Variants in COP1 observed in about 807,000 individuals in gnomAD.
COP1 encodes the protein E3 ubiquitin-protein ligase COP1.
Under a neutral mutation model 101.3 loss-of-function variants are expected in COP1, and 24 were observed. The observed-to-expected ratio is 0.24, with a 90% confidence interval of 0.17 to 0.33. COP1 has a LOEUF of 0.33. COP1 is among the 10% of genes least tolerant of loss of function. The pLI is 1.00. For synonymous variants in COP1, 347 were observed against 341.9 expected (o/e 1.01, Z -0.17); for missense variants, 663 against 906.2 (o/e 0.73, Z 3.45).
intron 14 of COP1, among the ~76,000 whole-genome samples, chr1:176,033,911 G>A (rs1557967199): frequency 6.6e-6 from 1 of 152,012 alleles, no homozygotes; most frequent in African/African-American, 2.4e-5. Context: ...TAACTATAAA[G>A]TTATCACAAA....
intron 11 of COP1, among the ~76,000 whole-genome samples, chr1:176,049,896 T>C (rs1051440639): frequency 6.6e-6 from 1 of 152,180 alleles, no homozygotes; most frequent in Non-Finnish European, 1.5e-5. Context: ...CAGTGACTAG[T>C]TAGGCTGAGA....
chr1:176,123,709 G>C (rs1370407061), intron 8 of COP1, among the ~76,000 whole-genome samples: 1 of 152,022 alleles, frequency 6.6e-6, no homozygotes, highest in Admixed American at 6.6e-5. Flanking sequence ...TAGAGTAAAA[G>C]AATTAAAAAT....
In COP1 at chr1:175,991,049, A is replaced by T. The variant is rs140113658; in HGVS notation, c.1730-1570T>A. Among the ~76,000 whole-genome samples the T allele has an allele frequency of 2.6e-3, 398 of 152,236 alleles. 3 individuals are homozygous for T. Among genetic ancestry groups the T allele is most frequent in the African/African-American group, 9.1e-3 (380 of 41,550 alleles). On this transcript the variant is annotated intron_variant, in intron 15 of 19. Transcript: ENST00000367669. ...TTGCTTTTGGAGTGCCAACATTTCA[A>T]TCAAAGCTCCAAATGCTTCTTCATT...
At chr1:176,173,071 G>A (rs375703570) in intron 3 of COP1, among the ~76,000 whole-genome samples, 4 of 152,214 alleles carry the variant, frequency 2.6e-5, no homozygotes, top group South Asian at 2.1e-4. Flanking sequence ...CCAGTACTTC[G>A]GGAGGCCGAG....
chr1:176,114,992 G>T (rs1685935440), intron 9 of COP1, among the ~76,000 whole-genome samples: 1 of 152,050 alleles, frequency 6.6e-6, no homozygotes, highest in Non-Finnish European at 1.5e-5. Flanking sequence ...ATCCAGAAAA[G>T]AAATTATACG....
At chr1:176,043,976 C>A (rs1269745739) in intron 12 of COP1, among the ~76,000 whole-genome samples, 158 bp from the exon 13 acceptor site, 2 of 152,160 alleles carry the variant, frequency 1.3e-5, no homozygotes. Context: ...AAAAGACATA[C>A]CAATAATTTT....
intron 2 of COP1, among the ~76,000 whole-genome samples, chr1:176,179,373 A>T (rs1697424652): frequency 6.6e-6 from 1 of 152,294 alleles, no homozygotes; most frequent in South Asian, 2.1e-4. Flanking sequence ...TTAGCAAATA[A>T]CTTTTCTTTA....
chr1:176,001,569 G>GC (rs780039207), intron 15 of COP1, among the ~76,000 whole-genome samples: 1 of 152,082 alleles, frequency 6.6e-6, no homozygotes, highest in African/African-American at 2.4e-5. Flanking sequence ...AACTGCAGCC[G>GC]CAAGTGCCAC....
intron 18 of COP1, among the ~76,000 whole-genome samples, chr1:175,970,226 A>G (rs554877674): frequency 3.9e-5 from 6 of 152,156 alleles, no homozygotes; most frequent in African/African-American, 1.2e-4. Flanking sequence ...GCTGTGAGAA[A>G]CCAGAAACCA....
rs1277611499 is a variant in COP1 at position 176,207,098 on chromosome 1, G to C, written c.-120C>G. The C allele has an allele frequency of 1.3e-6, 1 of 783,378 alleles. No homozygotes were observed. Among genetic ancestry groups the C allele is most frequent in the Non-Finnish European group, 1.8e-6 (1 of 554,544 alleles). The allele number at this position is 783,378 out of a possible 1,614,324, so 48.5% of individuals were successfully genotyped here. A position where few individuals can be genotyped will look rare whatever the true frequency, so the allele number is the denominator to read the frequency against. ...GAGGACGCCCGCCGAGCCGGAGGTG[G>C]GGCTGAGGAACAATAAAGTTGCGTT... On this transcript the variant is annotated 5_prime_UTR_variant, in exon 1 of 20. Coordinates refer to ENST00000367669, the MANE Select transcript of COP1 (RefSeq NM_022457.7).
At chr1:176,081,039 G>T in intron 11 of COP1, 113 bp downstream of exon 11, 3 of 897,958 alleles carry the variant, frequency 3.3e-6, no homozygotes, top group Middle Eastern at 2.7e-4. Flanking sequence ...ACTAATAATT[G>T]GCAGGCTACT....
intron 11 of COP1, among the ~76,000 whole-genome samples, chr1:176,057,653 C>T (rs1673843612): frequency 1.3e-5 from 2 of 152,190 alleles, no homozygotes; most frequent in Admixed American, 1.3e-4. Context: ...GGTGCCCAGG[C>T]TGGAGTGCAG....
intron 9 of COP1, among the ~76,000 whole-genome samples, chr1:176,108,783 T>C (rs4400573): frequency 0.069 from 10,561 of 152,170 alleles, 461 homozygotes; most frequent in Non-Finnish European, 0.087. Flanking sequence ...ATTGATGTCC[T>C]GAACCATTTT....
Position 176,146,684 on chromosome 1 carries a change from G to T in COP1, c.831+2322C>A, listed in dbSNP as rs148872455. ...TTGGCCAACAACTTAATTGCAGCTT[G>T]GTAAGAAACCCAGAGCCAAGGCACC... On this transcript the variant is annotated intron_variant, in intron 6 of 19. Coordinates refer to ENST00000367669, the MANE Select transcript of COP1 (RefSeq NM_022457.7). 1.6e-3 allele frequency among the ~76,000 whole-genome samples: 248 copies of T among 152,222 alleles called. 1 individual carries two copies. The highest frequency in any genetic ancestry group is 5.7e-3 in the African/African-American group (237 of 41,532).
intron 15 of COP1, among the ~76,000 whole-genome samples, chr1:176,023,782 T>A (rs1195592276): frequency 6.8e-6 from 1 of 148,050 alleles, no homozygotes; most frequent in Non-Finnish European, 1.5e-5. Context: ...GAATTAGGAA[T>A]TTAAAATCTT....
chr1:176,046,059 G>A (rs1039126274), intron 12 of COP1, 122 bp downstream of exon 12: 10 of 736,780 alleles, frequency 1.4e-5, no homozygotes, highest in Middle Eastern at 4.0e-4. Flanking sequence ...TGTATACATA[G>A]TACAATAATA....
intron 5 of COP1, among the ~76,000 whole-genome samples, chr1:176,162,212 T>G (rs1204519869): frequency 6.6e-6 from 1 of 152,220 alleles, no homozygotes; most frequent in Non-Finnish European, 1.5e-5. Flanking sequence ...TTTGTGTGTA[T>G]GTGTTACTCA....
intron 5 of COP1, among the ~76,000 whole-genome samples, chr1:176,153,212 A>G (rs1692893649): frequency 6.6e-6 from 1 of 152,166 alleles, no homozygotes; most frequent in African/African-American, 2.4e-5. Context: ...ATGGCAGCAA[A>G]GCAGGTAGGC....
chr1:176,135,160 T>C, intron 7 of COP1, 74 bp from the exon 8 acceptor site: 1 of 922,848 alleles, frequency 1.1e-6, no homozygotes, highest in South Asian at 1.6e-5. Context: ...AGGCATGATA[T>C]ATTCCTTTCT....
Sources: gnomAD v4.1 joint callset for allele counts (sites outside exome capture counted in the v4.1 genomes callset) on GRCh38, gnomAD v4.1.1 for gene constraint, MANE v1.5 for transcripts, NCBI Gene and HGNC (gene_info 2026-07-23, HGNC 2026-07-21) for gene names.